Variants in KCNJ6 observed in about 807,000 individuals in gnomAD.
KCNJ6 encodes potassium inwardly rectifying channel subfamily J member 6.
Under a neutral mutation model 34.2 loss-of-function variants are expected in KCNJ6, and 9 were observed. The ratio of observed to expected loss-of-function variants is 0.26; its 90% CI spans 0.16 to 0.46. KCNJ6 has a LOEUF of 0.46. Ranked by LOEUF, KCNJ6 falls within the 20% of genes least tolerant of loss-of-function variation. The pLI is 1.00. For synonymous variants in KCNJ6, 196 were observed against 207.1 expected, an observed-to-expected ratio of 0.95 and a Z score of 0.46; for missense variants, 236 against 531.3, an observed-to-expected ratio of 0.44 and a Z score of 5.46.
chr21:37,819,173 C>T (rs1042187148), intron 2 of KCNJ6, among the ~76,000 whole-genome samples: 19 of 152,014 alleles, frequency 1.2e-4, no homozygotes, highest in African/African-American at 4.4e-4. Flanking sequence ...GTTCAGAATC[C>T]TTCTGGCAAC....
rs933040891 is a variant in KCNJ6 at position 37,912,589 on chromosome 21, T to C, written c.-28+3295A>G. On this transcript the variant is annotated intron_variant, in intron 1 of 3. Transcript: ENST00000609713. ...GGAACAAGGCCAAGGAACAGCTGCGTTGTTTAATACTCCACGTGTCACTTC... is the reference window on the plus strand; with the variant it reads ...GGAACAAGGCCAAGGAACAGCTGCGCTGTTTAATACTCCACGTGTCACTTC... Among the ~76,000 whole-genome samples, 6 of 152,234 alleles carry C rather than the reference T, an allele frequency of 3.9e-5. No homozygotes were observed. In the East Asian group the frequency reaches 9.6e-4, roughly 24 times the overall value.
intron 2 of KCNJ6, among the ~76,000 whole-genome samples, chr21:37,748,488 G>A (rs1189057360): frequency 1.3e-5 from 2 of 152,176 alleles, no homozygotes; most frequent in Non-Finnish European, 2.9e-5. Context: ...TCCATCTCTA[G>A]AAGTCTTAAC....
At position 37,758,198 on chromosome 21, in the gene KCNJ6, C is replaced by T. The variant is rs149250092; in HGVS notation, c.26-43067G>A. 5.8e-3 allele frequency among the ~76,000 whole-genome samples: 884 copies of T among 151,542 alleles called. 10 individuals are homozygous for T. Among genetic ancestry groups the T allele is most frequent in the African/African-American group, 0.02 (836 of 40,912 alleles). On this transcript the variant is annotated intron_variant, in intron 2 of 3. Coordinates refer to ENST00000609713, the MANE Select transcript of KCNJ6 (RefSeq NM_002240.5). ...TGGGAGTGACGGGGCAGAGTCACCA[C>T]GGAGGTGGGTGTCTGCAGATGTCTG...
chr21:37,793,521 G>A (rs2055226739), intron 2 of KCNJ6, among the ~76,000 whole-genome samples: 1 of 147,462 alleles, frequency 6.8e-6, no homozygotes, highest in African/African-American at 2.5e-5. Context: ...AGTCTGGCCT[G>A]GGTGAAAGAG....
chr21:37,766,055 C>G (rs1448410062), intron 2 of KCNJ6, among the ~76,000 whole-genome samples: 2 of 152,324 alleles, frequency 1.3e-5, no homozygotes, highest in Admixed American at 1.3e-4. Flanking sequence ...CATTTACCAG[C>G]ACGCCACTAG....
chr21:37,712,496 T>TCCTCCCCAG (rs2054759447), intron 3 of KCNJ6, among the ~76,000 whole-genome samples: 2 of 75,766 alleles, frequency 2.6e-5, no homozygotes, highest in Non-Finnish European at 3.0e-5. Context: ...CTTCCCTCCC[T>TCCTCCCCAG]CCTCCCCTTC....
intron 3 of KCNJ6, among the ~76,000 whole-genome samples, chr21:37,641,009 G>T (rs1178187120): frequency 6.6e-6 from 1 of 152,210 alleles, no homozygotes; most frequent in East Asian, 1.9e-4. Flanking sequence ...TGGGGAGGAG[G>T]TTTAAGAAAA....
At chr21:37,853,679 C>T (rs1171440854) in intron 1 of KCNJ6, among the ~76,000 whole-genome samples, 1 of 151,596 alleles carries the variant, frequency 6.6e-6, no homozygotes, top group African/African-American at 2.4e-5. Flanking sequence ...CTGAAGCACA[C>T]ATTATAGCAT....
intron 2 of KCNJ6, 113 bp downstream of exon 2, chr21:37,840,545 G>A (rs1377750634): frequency 5.0e-5 from 35 of 699,974 alleles, no homozygotes; most frequent in Non-Finnish European, 7.8e-5. Flanking sequence ...TCTCGGTCCC[G>A]TAAGAGCAAA....
chr21:37,709,446 G>A (rs978747551), intron 3 of KCNJ6, among the ~76,000 whole-genome samples: 2 of 152,056 alleles, frequency 1.3e-5, no homozygotes, highest in African/African-American at 2.4e-5. Flanking sequence ...CCCAGGAGGC[G>A]GAGGTTGCAG....
intron 3 of KCNJ6, among the ~76,000 whole-genome samples, chr21:37,627,517 G>A (rs2054316540): frequency 6.6e-6 from 1 of 152,226 alleles, no homozygotes. Flanking sequence ...AGAGGAAAAG[G>A]TGATCCAATA....
chr21:37,774,337 AC>A (rs2055131602), intron 2 of KCNJ6, among the ~76,000 whole-genome samples: 4 of 151,750 alleles, frequency 2.6e-5, no homozygotes, highest in Admixed American at 2.0e-4. Context: ...TGCAGGGTTT[AC>A]CTTAGGGCTA....
At chr21:37,845,347 T>G (rs1306941555) in intron 1 of KCNJ6, among the ~76,000 whole-genome samples, 4 of 152,240 alleles carry the variant, frequency 2.6e-5, no homozygotes, top group African/African-American at 9.6e-5. Context: ...TTTTTTGTTC[T>G]TGCTTATTGT....
rs1260371439 is a variant in KCNJ6, at chr21:37,624,740, CTG to C, written c.*417_*418del. The C allele has an allele frequency of 5.6e-6, 1 of 180,044 alleles. No homozygotes were observed. Among genetic ancestry groups the C allele is most frequent in the East Asian group, 1.5e-4 (1 of 6,588 alleles). 11.2% of individuals were successfully genotyped at this position (180,044 alleles called of 1,614,324 possible). On this transcript the variant is annotated 3_prime_UTR_variant, in exon 4 of 4. Transcript: ENST00000609713. Reference sequence around the variant, plus strand: ...ATGAAATGAATTGGGATCCATAAAACTGAGGGCTCCACTCTGTGTCTCACTGA... The same window carrying C: ...ATGAAATGAATTGGGATCCATAAAACAGGGCTCCACTCTGTGTCTCACTGA...
At chr21:37,629,038 C>T (rs560513939) in intron 3 of KCNJ6, among the ~76,000 whole-genome samples, 3 of 152,140 alleles carry the variant, frequency 2.0e-5, no homozygotes, top group South Asian at 2.1e-4. Flanking sequence ...AAATAATAAA[C>T]GGAGTCCTTC....
intron 2 of KCNJ6, among the ~76,000 whole-genome samples, chr21:37,760,410 G>A (rs542013385): frequency 6.6e-6 from 1 of 152,282 alleles, no homozygotes; most frequent in South Asian, 2.1e-4. Context: ...ACACCCCTGA[G>A]CCCTGTACTA....
intron 2 of KCNJ6, among the ~76,000 whole-genome samples, chr21:37,797,679 A>G (rs1335077566): frequency 1.3e-5 from 2 of 151,998 alleles, no homozygotes; most frequent in Non-Finnish European, 2.9e-5. Flanking sequence ...ACATCCTCAC[A>G]ACTCGGGGTT....
chr21:37,851,899 C>T (rs78766444), intron 1 of KCNJ6, among the ~76,000 whole-genome samples: 1 of 144,896 alleles, frequency 6.9e-6, no homozygotes, highest in South Asian at 2.2e-4. Context: ...TCTCTGAGTT[C>T]TTTTTTTTTT....
intron 3 of KCNJ6, among the ~76,000 whole-genome samples, chr21:37,631,835 G>A (rs1235525511): frequency 6.6e-6 from 1 of 152,170 alleles, no homozygotes; most frequent in Non-Finnish European, 1.5e-5. Context: ...CACCAGCCCT[G>A]AGTGCAGCCT....
Sources: gnomAD v4.1 joint callset for allele counts (sites outside exome capture counted in the v4.1 genomes callset) on GRCh38, gnomAD v4.1.1 for gene constraint, MANE v1.5 for transcripts, NCBI Gene and HGNC (gene_info 2026-07-23, HGNC 2026-07-21) for gene names.